The following PHACTR1 variants were observed in gnomAD, a reference collection of about 807,000 sequenced individuals.
PHACTR1 encodes phosphatase and actin regulator 1.
A neutral mutation model predicts 69.2 loss-of-function variants in PHACTR1; 16 were observed. That is an observed-to-expected ratio of 0.23 (90% CI 0.16 to 0.35). PHACTR1 has a LOEUF of 0.35. PHACTR1 is among the 10% of genes least tolerant of loss of function. The pLI, the probability that PHACTR1 is intolerant of heterozygous loss-of-function variation, is 1.00. For synonymous variants in PHACTR1, 312 were observed against 284.5 expected (o/e 1.10, Z -0.97); for missense variants, 510 against 734.7 (o/e 0.69, Z 3.54).
intron 4 of PHACTR1, among the ~76,000 whole-genome samples, chr6:12,866,369 A>AT (rs886496887): frequency 2.6e-5 from 4 of 152,112 alleles, no homozygotes; most frequent in African/African-American, 9.7e-5. Flanking sequence ...CCTATGGGCT[A>AT]TTTTAACCTC....
intron 5 of PHACTR1, among the ~76,000 whole-genome samples, chr6:13,085,393 A>G (rs1317047842): frequency 6.6e-6 from 1 of 152,126 alleles, no homozygotes; most frequent in Non-Finnish European, 1.5e-5. Context: ...ACATAAGGAT[A>G]GAAAAGTTTA....
chr6:13,012,128 C>G (rs776632787), intron 4 of PHACTR1, among the ~76,000 whole-genome samples: 4 of 152,238 alleles, frequency 2.6e-5, no homozygotes, highest in Non-Finnish European at 5.9e-5. Flanking sequence ...GCGATGGCAG[C>G]TGGACACCTG....
chr6:12,798,850 T>C (rs1773383902), intron 4 of PHACTR1, among the ~76,000 whole-genome samples: 1 of 152,260 alleles, frequency 6.6e-6, no homozygotes, highest in African/African-American at 2.4e-5. Context: ...AAACAGCTTA[T>C]GGCCCTTGCC....
At position 12,753,970 on chromosome 6, in the gene PHACTR1, AT is replaced by A. The variant is rs1193950496; in HGVS notation, c.250+4190del. 5.5e-3 allele frequency among the ~76,000 whole-genome samples: 734 copies of A among 134,486 alleles called. 6 individuals are homozygous for A. Among genetic ancestry groups the A allele is most frequent in the Non-Finnish European group, 9.4e-3 (596 of 63,704 alleles). 88.2% of individuals were successfully genotyped at this position (134,486 alleles called of 152,430 possible). Reference sequence around the variant, plus strand: ...TATATATATATATATATATATATATATTTTTTTTTTGAGACAGAGTCTCACT... The same window carrying A: ...TATATATATATATATATATATATATATTTTTTTTTGAGACAGAGTCTCACT... On this transcript the variant is annotated intron_variant, in intron 4 of 14. Transcript: ENST00000332995.
intron 7 of PHACTR1, among the ~76,000 whole-genome samples, chr6:13,187,616 TC>T (rs1367269646): frequency 2.6e-5 from 4 of 152,174 alleles, no homozygotes; most frequent in African/African-American, 9.7e-5. Context: ...CTTTAAGAGA[TC>T]TTGGATCACC....
rs192350549 is a variant in PHACTR1, at chr6:13,015,903, C to T, written c.251-37462C>T. Among the ~76,000 whole-genome samples, 26 of 152,176 alleles carry T rather than the reference C, an allele frequency of 1.7e-4. 1 individual carries two copies. In the South Asian group the frequency reaches 3.1e-3, roughly 18 times the overall value. ...CAAAGGATTCTTAAATAGGGGAGACCGAATGTTATAGTGCCTAATTTTTGC... is the reference window on the plus strand; with the variant it reads ...CAAAGGATTCTTAAATAGGGGAGACTGAATGTTATAGTGCCTAATTTTTGC... On this transcript the variant is annotated intron_variant, in intron 4 of 14. Transcript: ENST00000332995.
At chr6:13,165,258 G>A (rs1388009274) in intron 6 of PHACTR1, among the ~76,000 whole-genome samples, 1 of 152,158 alleles carries the variant, frequency 6.6e-6, no homozygotes, top group Non-Finnish European at 1.5e-5. Context: ...TAGTAAAAAT[G>A]TTAAACCAAT....
At chr6:12,830,064 GAA>G (rs1388237119) in intron 4 of PHACTR1, among the ~76,000 whole-genome samples, 8 of 134,084 alleles carry the variant, frequency 6.0e-5, no homozygotes, top group Admixed American at 2.3e-4. Flanking sequence ...AGGAAGGAAG[GAA>G]AAGAAAGAAG....
intron 10 of PHACTR1, among the ~76,000 whole-genome samples, chr6:13,231,063 GGAAGGAAGGAAGGAAGGAAGGAA>G (rs1212243728): frequency 0.072 from 147 of 2,030 alleles, 5 homozygotes; most frequent in Admixed American, 0.26. Flanking sequence ...AAGGAAGGAA[GGAAGGAAGGAAGGAAGGAAGGAA>G]GAAGGAAGGA....
At chr6:12,983,420 A>G (rs1439494934) in intron 4 of PHACTR1, among the ~76,000 whole-genome samples, 3 of 152,262 alleles carry the variant, frequency 2.0e-5, no homozygotes, top group African/African-American at 7.2e-5. Context: ...CCAGACAAAA[A>G]TAATTACAAA....
intron 4 of PHACTR1, among the ~76,000 whole-genome samples, chr6:12,954,638 G>T (rs889053609): frequency 3.3e-5 from 5 of 152,080 alleles, no homozygotes; most frequent in Admixed American, 3.3e-4. Flanking sequence ...CACAAGGAAA[G>T]AACTTTTTAC....
At chr6:13,184,185 G>A (rs1048662036) in intron 7 of PHACTR1, among the ~76,000 whole-genome samples, 1 of 152,232 alleles carries the variant, frequency 6.6e-6, no homozygotes, top group Non-Finnish European at 1.5e-5. Context: ...CCAGAACCTG[G>A]AGGAGCAGCC....
intron 6 of PHACTR1, among the ~76,000 whole-genome samples, chr6:13,168,729 G>A (rs1052967662): frequency 1.3e-5 from 2 of 152,194 alleles, no homozygotes; most frequent in Non-Finnish European, 1.5e-5. Context: ...TGCTAGAGAA[G>A]ATAGGAGGGG....
intron 4 of PHACTR1, among the ~76,000 whole-genome samples, chr6:12,915,042 C>A (rs1255339985): frequency 6.6e-6 from 1 of 152,190 alleles, no homozygotes; most frequent in African/African-American, 2.4e-5. Flanking sequence ...TGGAGTATGT[C>A]TTGTCTGCAT....
intron 4 of PHACTR1, among the ~76,000 whole-genome samples, chr6:13,016,280 A>G (rs377752751): frequency 9.3e-4 from 141 of 152,346 alleles, no homozygotes; most frequent in African/African-American, 3.2e-3. Flanking sequence ...CTATAGAGGA[A>G]GGTGCTTCTT....
intron 4 of PHACTR1, among the ~76,000 whole-genome samples, chr6:12,846,124 C>A (rs1321596110): frequency 4.6e-5 from 7 of 152,184 alleles, no homozygotes; most frequent in African/African-American, 1.7e-4. Flanking sequence ...AACATGAAGA[C>A]TTTCGCTCTC....
At chr6:12,911,760 A>G (rs898346402) in intron 4 of PHACTR1, among the ~76,000 whole-genome samples, 6 of 152,180 alleles carry the variant, frequency 3.9e-5, no homozygotes, top group Non-Finnish European at 7.3e-5. Flanking sequence ...TAATGGATAC[A>G]TTTATAAGTG....
intron 5 of PHACTR1, among the ~76,000 whole-genome samples, chr6:13,101,002 C>T (rs1357160760): frequency 6.6e-6 from 1 of 152,180 alleles, no homozygotes; most frequent in Non-Finnish European, 1.5e-5. Flanking sequence ...CTCCAGAGAT[C>T]CTGATTTAGT....
At chr6:12,831,496 T>TA (rs1777577169) in intron 4 of PHACTR1, among the ~76,000 whole-genome samples, 1 of 151,696 alleles carries the variant, frequency 6.6e-6, no homozygotes, top group South Asian at 2.1e-4. Context: ...ATGCAGGCCC[T>TA]ACTTGGATAG....
Sources: gnomAD v4.1 joint callset for allele counts (sites outside exome capture counted in the v4.1 genomes callset) on GRCh38, gnomAD v4.1.1 for gene constraint, MANE v1.5 for transcripts, NCBI Gene and HGNC (gene_info 2026-07-23, HGNC 2026-07-21) for gene names.